Variants in ABCC8 observed in about 807,000 individuals in gnomAD.
ABCC8 encodes the protein ATP binding cassette subfamily C member 8, also known as ATP-binding cassette sub-family C member 8.
In ABCC8, 137 loss-of-function variants were observed where a neutral mutation model predicts 188.0. The ratio of observed to expected loss-of-function variants is 0.73; its 90% CI spans 0.63 to 0.84. The LOEUF is 0.84. Among genes scored for constraint, ABCC8 ranks in the 40% least tolerant of loss-of-function variants. ABCC8 has a pLI of 0.00. For synonymous variants in ABCC8, 797 were observed against 846.5 expected (o/e 0.94, Z 1.01); for missense variants, 1,750 against 2,072.7 (o/e 0.84, Z 3.02).
chr11:17,460,706 G>A, intron 5 of ABCC8, 30 bp from the exon 6 acceptor site: 2 of 1,602,640 alleles, frequency 1.2e-6, no homozygotes, highest in Non-Finnish European at 1.7e-6. Flanking sequence ...CCAGGTCAGA[G>A]TGCCTGAGGG....
At chr11:17,454,851 G>T (rs1956936666) in intron 6 of ABCC8, among the ~76,000 whole-genome samples, 1 of 152,256 alleles carries the variant, frequency 6.6e-6, no homozygotes, top group Non-Finnish European at 1.5e-5. Context: ...CCAGGCCTTT[G>T]ACCTTAAGCA....
At chr11:17,393,549 C>G (rs1953740670) in intron 38 of ABCC8, 148 bp downstream of exon 38, 2 of 1,324,132 alleles carry the variant, frequency 1.5e-6, no homozygotes, top group Admixed American at 3.4e-5. Flanking sequence ...TGCATGCCCT[C>G]CAGGCCCCTT....
chr11:17,407,718 G>C lies in ABCC8; in HGVS notation c.2821-265C>G, dbSNP rs181056160. Among the ~76,000 whole-genome samples the C allele has an allele frequency of 5.3e-5, 8 of 152,308 alleles. No individual in the cohort carries two copies. In the South Asian group the frequency reaches 1.0e-3, roughly 20 times the overall value. ...GATTCAGGTGGATCTGGCTCCCAAA[G>C]TGGCACGTGACCCAGGACAGGCCAA... On this transcript the variant is annotated intron_variant, in intron 23 of 38. Coordinates refer to ENST00000389817, the MANE Select transcript of ABCC8 (RefSeq NM_000352.6).
At position 17,430,945 on chromosome 11, in the gene ABCC8, G is replaced by A. The variant is rs1799857; in HGVS notation, c.1686C>T (p.His562=). The A allele has an allele frequency of 0.45, 718,927 of 1,613,774 alleles. 161,862 individuals carry two copies. The highest frequency in any genetic ancestry group is 0.5 in the South Asian group (45,124 of 91,078). The change falls in exon 12 of 39, where the codon CAC becomes CAT. Residue 562 remains histidine, a synonymous_variant. Transcript: ENST00000389817. ...IAAVLITFVG[H]VSFFKEADFS... is the part of the protein sequence containing the mutation. Reference sequence around the variant, plus strand: ...AGTCGGCCTCTTTGAAGAAGCTGACGTGGCCCACGAAAGTCTGTGGACAGA... The same window carrying A: ...AGTCGGCCTCTTTGAAGAAGCTGACATGGCCCACGAAAGTCTGTGGACAGA...
At chr11:17,431,564 G>A (rs867749924) in intron 11 of ABCC8, among the ~76,000 whole-genome samples, 13 of 152,376 alleles carry the variant, frequency 8.5e-5, no homozygotes, top group Middle Eastern at 6.8e-3. Flanking sequence ...GGGGATGGGA[G>A]GCTGGGTGAG....
At chr11:17,409,561 T>C (rs1954710456) in intron 22 of ABCC8, among the ~76,000 whole-genome samples, 1 of 152,206 alleles carries the variant, frequency 6.6e-6, no homozygotes, top group Non-Finnish European at 1.5e-5. Flanking sequence ...TGGGTGATTT[T>C]CTTTGGGTCT....
intron 6 of ABCC8, among the ~76,000 whole-genome samples, chr11:17,457,822 G>C (rs1285151547): frequency 6.6e-6 from 1 of 152,224 alleles, no homozygotes; most frequent in Non-Finnish European, 1.5e-5. Flanking sequence ...AAGGAAGAGT[G>C]ATGATGAATA....
intron 10 of ABCC8, chr11:17,435,921 C>A: frequency 6.8e-7 from 1 of 1,465,376 alleles, no homozygotes; most frequent in Non-Finnish European, 9.6e-7. Context: ...ACAGGGCCAA[C>A]ATGCCAAAAA....
Position 17,475,914 on chromosome 11 carries a change from G to T in ABCC8, c.148+715C>A, listed in dbSNP as rs1564999691. Among the ~76,000 whole-genome samples the T allele has an allele frequency of 2.0e-5, 3 of 152,246 alleles. No individual in the cohort carries two copies. In the South Asian group the frequency reaches 6.2e-4, roughly 32 times the overall value. Reference sequence around the variant, plus strand: ...AGATGGGGGGGACCTCAGTGGAGAGGCACGCACGATTGTCCCGGCCGTGGC... The same window carrying T: ...AGATGGGGGGGACCTCAGTGGAGAGTCACGCACGATTGTCCCGGCCGTGGC... On this transcript the variant is annotated intron_variant, in intron 1 of 38. Coordinates refer to ENST00000389817, the MANE Select transcript of ABCC8 (RefSeq NM_000352.6).
intron 2 of ABCC8, among the ~76,000 whole-genome samples, chr11:17,474,233 T>C (rs971509405): frequency 1.3e-5 from 2 of 152,354 alleles, no homozygotes; most frequent in East Asian, 1.9e-4. Flanking sequence ...AATGTTTATG[T>C]TTATCACATG....
intron 12 of ABCC8, 32 bp downstream of exon 12, chr11:17,430,782 G>T: frequency 1.9e-6 from 3 of 1,607,608 alleles, no homozygotes; most frequent in Middle Eastern, 1.7e-4. Context: ...GGACCTGCCT[G>T]CCCAGTGCCC....
At chr11:17,392,680 G>A (rs923146185), downstream of ABCC8, 3 of 410,228 alleles carry the variant, frequency 7.3e-6, no homozygotes, top group East Asian at 5.6e-5. Context: ...TCAGCCTCCA[G>A]AACTGTGAGA....
chr11:17,464,494 C>T (rs188372101), intron 3 of ABCC8, among the ~76,000 whole-genome samples: 3 of 152,334 alleles, frequency 2.0e-5, no homozygotes, highest in African/African-American at 7.2e-5. Flanking sequence ...GCTTAGTTTC[C>T]TCATCCATTA....
At chr11:17,405,845 A>G (rs556661361) in intron 26 of ABCC8, among the ~76,000 whole-genome samples, 32 of 152,152 alleles carry the variant, frequency 2.1e-4, no homozygotes, top group Non-Finnish European at 4.1e-4. Context: ...TCCTCCTGGG[A>G]CACAGAGTCC....
intron 7 of ABCC8, among the ~76,000 whole-genome samples, chr11:17,450,186 G>A (rs117021570): frequency 1.3e-3 from 191 of 151,882 alleles, no homozygotes; most frequent in Non-Finnish European, 2.4e-3. Flanking sequence ...TACATTTTCC[G>A]GAAATCTCCA....
Position 17,402,725 on chromosome 11 carries a change from G to A in ABCC8, c.3586C>T (p.Gln1196Ter). The part of the protein sequence containing the change: ...RDLQQLDDTT[Q>*]LPLLSHFAET... ...GCAAAGTGTGAGAGAAGTGGAAGCT[G>A]GGTGGTGTCATCCAGCTGCTGCAGG... The change falls in exon 29 of 39, where the codon CAG (glutamine) becomes TAG (stop). Residue 1196 changes from glutamine to a stop codon, truncating the protein, a stop_gained. Transcript: ENST00000389817. LOFTEE classifies it high-confidence loss of function. The A allele has an allele frequency of 6.2e-7, 1 of 1,614,248 alleles. No individual in the cohort carries two copies. The highest frequency in any genetic ancestry group is 8.5e-7 in the Non-Finnish European group (1 of 1,180,048).
chr11:17,425,689 A>C (rs977570756), intron 16 of ABCC8, among the ~76,000 whole-genome samples: 1 of 152,046 alleles, frequency 6.6e-6, no homozygotes, highest in Non-Finnish European at 1.5e-5. Flanking sequence ...TTTTACATGC[A>C]TCTTTTTTTA....
At chr11:17,450,556 G>T (rs1336755866) in intron 7 of ABCC8, among the ~76,000 whole-genome samples, 1 of 149,878 alleles carries the variant, frequency 6.7e-6, no homozygotes, top group Non-Finnish European at 1.5e-5. Context: ...CACCATGCCT[G>T]GCTAATTTTT....
At chr11:17,394,485 G>T in intron 36 of ABCC8, 86 bp from the exon 37 acceptor site, 1 of 1,603,294 alleles carries the variant, frequency 6.2e-7, no homozygotes. Flanking sequence ...GGGGCTGTTG[G>T]AAAATGTGTG....
Sources: gnomAD v4.1 joint callset for allele counts (sites outside exome capture counted in the v4.1 genomes callset) on GRCh38, gnomAD v4.1.1 for gene constraint, MANE v1.5 for transcripts, NCBI Gene and HGNC (gene_info 2026-07-23, HGNC 2026-07-21) for gene names.